BORA: variants seen among roughly 807,000 people sequenced by gnomAD.
BORA encodes the protein BORA aurora kinase A activator.
BORA carries 26 observed loss-of-function variants against 55.8 expected under a neutral mutation model. The ratio of observed to expected loss-of-function variants is 0.47; its 90% CI spans 0.34 to 0.65. BORA has a LOEUF of 0.65. Among genes scored for constraint, BORA ranks in the 30% least tolerant of loss-of-function variants. BORA has a pLI of 0.01. For synonymous variants in BORA, 201 were observed against 216.9 expected (o/e 0.93, Z 0.64); for missense variants, 568 against 671.5 (o/e 0.85, Z 1.70).
rs1466727910 is a variant in BORA, at chr13:72,753,819, A to C, written c.1612A>C (p.Lys538Gln). The C allele has an allele frequency of 2.5e-6, 4 of 1,611,664 alleles. 1 individual carries two copies. In the Admixed American group the frequency reaches 6.7e-5, roughly 27 times the overall value. Residue 538 changes from lysine (K) to glutamine (Q), a missense_variant and splice_region_variant, in exon 11 of 12, where the codon AAG becomes CAG. By Grantham distance (53) the Lys-to-Gln change is moderately conservative (BLOSUM62 1). Transcript: ENST00000390667. The stretch of plus-strand genomic sequence containing the variant: ...GAGTAAATCTCAAGCATTTAATATG[A>C]AGGTACGGAGAAAATATAGTGAAAG... ...VESKSQAFNM[K>Q]QDHTTQRCWM...
intron 6 of BORA, among the ~76,000 whole-genome samples, chr13:72,743,829 G>A (rs965059123): frequency 1.3e-5 from 2 of 151,526 alleles, no homozygotes; most frequent in Middle Eastern, 3.4e-3. Flanking sequence ...TTGACTTCCC[G>A]AGCTCCAGTG....
At chr13:72,733,088 T>A (rs1387263520) in intron 3 of BORA, among the ~76,000 whole-genome samples, 3 of 152,232 alleles carry the variant, frequency 2.0e-5, no homozygotes, top group African/African-American at 7.2e-5. Context: ...GAAAATATTA[T>A]AATTTAATTT....
At chr13:72,746,479 T>G in intron 9 of BORA, 22 bp from the exon 10 acceptor site, 1 of 1,574,844 alleles carries the variant, frequency 6.3e-7, no homozygotes, top group Non-Finnish European at 8.6e-7. Flanking sequence ...GATGTGATTT[T>G]TTTTCCCTTC....
Position 72,746,908 on chromosome 13 carries a change from G to C in BORA, c.1279G>C (p.Glu427Gln). 1 of 1,614,128 alleles carries C rather than the reference G, an allele frequency of 6.2e-7. No homozygotes were observed. The highest frequency in any genetic ancestry group is 1.7e-4 in the Middle Eastern group (1 of 6,060). ...ELALLQDVER[E>Q]KDNNTVDMVD... ...AGCACTGTTGCAGGATGTTGAAAGG[G>C]AGAAAGACAATAACACTGTGGATAT... Residue 427 changes from glutamate to glutamine, a missense_variant, in exon 10 of 12, where the codon GAG (glutamate) becomes CAG (glutamine). Glu to Gln is a conservative substitution (Grantham distance 29). Transcript: ENST00000390667.
chr13:72,734,930 T>C, intron 3 of BORA, 30 bp from the exon 4 acceptor site: 1 of 1,470,292 alleles, frequency 6.8e-7, no homozygotes, highest in Non-Finnish European at 9.4e-7. Context: ...AGTAATAGCA[T>C]GGTTATTTTT....
chr13:72,752,519 A>G (rs908335111), intron 10 of BORA: 3 of 152,206 alleles, frequency 2.0e-5, no homozygotes, highest in Non-Finnish European at 4.4e-5. Context: ...ATCCAGTTAC[A>G]TATTAGTATT....
chr13:72,743,698 G>A (rs2033083105), intron 6 of BORA, 96 bp downstream of exon 6: 2 of 819,854 alleles, frequency 2.4e-6, no homozygotes, highest in Admixed American at 3.4e-5. Context: ...CTCTGGAATT[G>A]AAATTGTTTC....
At chr13:72,736,895 T>A (rs971251318) in intron 4 of BORA, among the ~76,000 whole-genome samples, 1 of 151,862 alleles carries the variant, frequency 6.6e-6, no homozygotes, top group Non-Finnish European at 1.5e-5. Context: ...TTTCTTTACT[T>A]TTGAGTGAAC....
In BORA at chr13:72,734,973, G is replaced by A. The variant is rs1415678198; in HGVS notation, c.274G>A (p.Val92Met). The stretch of plus-strand genomic sequence containing the variant: ...ATCTTTGTATAGAATAGATAAAGAT[G>A]TGGAAGACAAAAGACAAAAAGCCAT... ...YLSHSRIDKD[V>M]EDKRQKAIEE... Residue 92 changes from valine to methionine, a missense_variant, in exon 4 of 12, where the codon GTG becomes ATG. Val to Met is a conservative substitution (Grantham distance 21). Coordinates refer to ENST00000390667, the MANE Select transcript of BORA (RefSeq NM_024808.5). 5 of 1,585,430 alleles carry A rather than the reference G, an allele frequency of 3.2e-6. No individual in the cohort carries two copies. The highest frequency in any genetic ancestry group is 3.4e-5 in the Admixed American group (2 of 59,476).
chr13:72,740,680 C>A (rs2033017349), intron 5 of BORA, among the ~76,000 whole-genome samples: 1 of 152,190 alleles, frequency 6.6e-6, no homozygotes, highest in South Asian at 2.1e-4. Context: ...CCACTCCACT[C>A]TACTGCTGTA....
chr13:72,754,392 C>T (rs2033386049), intron 11 of BORA: 1 of 152,840 alleles, frequency 6.5e-6, no homozygotes, highest in South Asian at 2.1e-4. Flanking sequence ...TCACTACAGC[C>T]TTTAACTGCT....
At chr13:72,728,617 T>C (rs1417784480) in intron 1 of BORA, among the ~76,000 whole-genome samples, 1 of 152,254 alleles carries the variant, frequency 6.6e-6, no homozygotes, top group Non-Finnish European at 1.5e-5. Flanking sequence ...TAACCTTTAG[T>C]TTCCTCAGAG....
rs577868947 is a variant in BORA at position 72,736,625 on chromosome 13, A to G, written c.307-1337A>G. On this transcript the variant is annotated intron_variant, in intron 4 of 11. Transcript: ENST00000390667. Reference sequence around the variant, plus strand: ...GACAGATGTTTAAATTGTGTTTATTATTTTTCTGTCACAAATAATGCTGCA... The same window carrying G: ...GACAGATGTTTAAATTGTGTTTATTGTTTTTCTGTCACAAATAATGCTGCA... Among the ~76,000 whole-genome samples, 3 of 152,126 alleles carry G rather than the reference A, an allele frequency of 2.0e-5. No homozygotes were observed. In the East Asian group the frequency reaches 5.8e-4, roughly 29 times the overall value.
chr13:72,752,176 TAG>T (rs1321311010), intron 10 of BORA: 1 of 152,200 alleles, frequency 6.6e-6, no homozygotes, highest in African/African-American at 2.4e-5. Flanking sequence ...AAGTTTGAAT[TAG>T]AGTTCTTTTA....
Position 72,755,359 on chromosome 13 carries a change from CT to C in BORA, c.*145del, listed in dbSNP as rs1214469376. On this transcript the variant is annotated 3_prime_UTR_variant, in exon 12 of 12. Transcript: ENST00000390667. Reference sequence around the variant, plus strand: ...CCTCCTTAATGTGAAAAATCAAGGGCTTACTGACATAGGAACAACAGAAATG... The same window carrying C: ...CCTCCTTAATGTGAAAAATCAAGGGCTACTGACATAGGAACAACAGAAATG... 3.2e-6 allele frequency: 2 copies of C among 623,040 alleles called. No homozygotes were observed. Among genetic ancestry groups the C allele is most frequent in the African/African-American group, 1.9e-5 (1 of 53,994 alleles). 38.6% of individuals were successfully genotyped at this position (623,040 alleles called of 1,614,324 possible).
chr13:72,736,915 A>G (rs537629983), intron 4 of BORA, among the ~76,000 whole-genome samples: 2 of 148,966 alleles, frequency 1.3e-5, no homozygotes, highest in South Asian at 4.2e-4. Flanking sequence ...CTTATACATC[A>G]CTTTGTAAGT....
chr13:72,746,152 T>C, intron 9 of BORA, 76 bp downstream of exon 9: 1 of 1,328,578 alleles, frequency 7.5e-7, no homozygotes, highest in Non-Finnish European at 1.0e-6. Flanking sequence ...TCTTTTAATT[T>C]GTCTTAATGA....
chr13:72,730,965 G>A (rs1306043844), intron 2 of BORA, among the ~76,000 whole-genome samples: 1 of 151,928 alleles, frequency 6.6e-6, no homozygotes, highest in East Asian at 1.9e-4. Context: ...CTACTCAGGA[G>A]GCTGAGGCAG....
intron 3 of BORA, 78 bp downstream of exon 3, chr13:72,731,465 T>C: frequency 9.0e-7 from 1 of 1,111,416 alleles, no homozygotes; most frequent in South Asian, 1.3e-5. Context: ...ATGTTGAGTA[T>C]TTTTCTATGT....
Sources: allele counts gnomAD v4.1 joint callset (sites outside exome capture counted in the v4.1 genomes callset), GRCh38; gene constraint gnomAD v4.1.1; transcripts MANE v1.5; gene names NCBI Gene and HGNC (gene_info 2026-07-23, HGNC 2026-07-21).